CSMD1: variants seen among roughly 807,000 people sequenced by gnomAD.
The protein encoded by CSMD1 is CUB and Sushi multiple domains 1.
In CSMD1, 213 loss-of-function variants were observed where a neutral mutation model predicts 417.5. The ratio of observed to expected loss-of-function variants is 0.51; its 90% CI spans 0.46 to 0.57. CSMD1 has a LOEUF of 0.57. Ranked by LOEUF, CSMD1 falls within the 20% of genes least tolerant of loss-of-function variation. The pLI, the probability that CSMD1 is intolerant of heterozygous loss-of-function variation, is 0.00. For missense variants in CSMD1, 6,923 were observed against 4,529.7 expected, an observed-to-expected ratio of 1.53 and a Z score of -15.17; for synonymous variants, 2,862 against 1,736.8, an observed-to-expected ratio of 1.65 and a Z score of -16.11.
At chr8:4,232,737 T>C (rs1472604680) in intron 3 of CSMD1, among the ~76,000 whole-genome samples, 6 of 152,222 alleles carry the variant, frequency 3.9e-5, no homozygotes, top group Admixed American at 3.9e-4. Context: ...AGTCGTAAGA[T>C]TGCCTTAATT....
At chr8:4,646,531 C>G (rs941996877) in intron 1 of CSMD1, among the ~76,000 whole-genome samples, 3 of 152,290 alleles carry the variant, frequency 2.0e-5, no homozygotes, top group East Asian at 3.9e-4. Flanking sequence ...GCATTACTCA[C>G]TAAAAAAGGT....
chr8:4,326,842 G>T (rs530470863), intron 3 of CSMD1, among the ~76,000 whole-genome samples: 4 of 152,202 alleles, frequency 2.6e-5, no homozygotes, highest in African/African-American at 7.2e-5. Flanking sequence ...AAAAAAAAAG[G>T]TCACAGGTGA....
At chr8:4,424,598 G>T (rs566441938) in intron 2 of CSMD1, among the ~76,000 whole-genome samples, 24 of 152,162 alleles carry the variant, frequency 1.6e-4, no homozygotes, top group African/African-American at 5.8e-4. Flanking sequence ...TATACTGCTG[G>T]TGGAAATATA....
chr8:4,120,290 T>TA (rs148468981), intron 3 of CSMD1, among the ~76,000 whole-genome samples: 14,916 of 152,274 alleles, frequency 0.098, 1,022 homozygotes, highest in Non-Finnish European at 0.15. Flanking sequence ...CACCTTTTAT[T>TA]ATATATACTT....
At chr8:3,339,891 A>C (rs1287984458) in intron 23 of CSMD1, among the ~76,000 whole-genome samples, 1 of 152,234 alleles carries the variant, frequency 6.6e-6, no homozygotes, top group East Asian at 1.9e-4. Flanking sequence ...GTATGAACAT[A>C]GACAAGTCTG....
At chr8:4,227,934 C>G (rs1629108) in intron 3 of CSMD1, among the ~76,000 whole-genome samples, 140,835 of 148,728 alleles carry the variant, frequency 0.95, 66,631 homozygotes, top group Non-Finnish European at 0.96. Flanking sequence ...CACACCTAGA[C>G]ACACACCCTC....
At chr8:4,626,988 G>A (rs1378361215) in intron 2 of CSMD1, among the ~76,000 whole-genome samples, 1 of 152,112 alleles carries the variant, frequency 6.6e-6, no homozygotes, top group Non-Finnish European at 1.5e-5. Context: ...ATTTATTGTG[G>A]TAAAGCAAGT....
rs796134240 is a variant in CSMD1 at position 4,041,019 on chromosome 8, T to G, written c.416-8920A>C. Among the ~76,000 whole-genome samples the G allele has an allele frequency of 3.0e-3, 385 of 128,732 alleles. 1 individual carries two copies. The highest frequency in any genetic ancestry group is 0.014 in the East Asian group (60 of 4,352). The allele number at this position is 128,732 out of a possible 152,430, so 84.5% of individuals were successfully genotyped here. A position where few individuals can be genotyped will look rare whatever the true frequency, so the allele number is the denominator to read the frequency against. On this transcript the variant is annotated intron_variant, in intron 3 of 69. Transcript: ENST00000635120. ...TCTTTTCTTTCTTTTTTTTTTTCCT[T>G]TTTTTTTTTTTTTTTGAGACGGAGT... is the stretch of plus-strand genomic sequence containing the variant.
At chr8:4,519,941 G>GTGTA (rs1217429436) in intron 2 of CSMD1, among the ~76,000 whole-genome samples, 1 of 150,324 alleles carries the variant, frequency 6.7e-6, no homozygotes, top group Non-Finnish European at 1.5e-5. Flanking sequence ...GTGTGCGTGT[G>GTGTA]TGTGTGTGTG....
chr8:4,823,571 G>C (rs531108376), intron 1 of CSMD1, among the ~76,000 whole-genome samples: 146 of 152,128 alleles, frequency 9.6e-4, no homozygotes, highest in African/African-American at 3.3e-3. Flanking sequence ...TATGAGCCCA[G>C]TACACACAGC....
At chr8:4,435,697 G>A (rs1459051798) in intron 2 of CSMD1, among the ~76,000 whole-genome samples, 1 of 152,172 alleles carries the variant, frequency 6.6e-6, no homozygotes, top group Non-Finnish European at 1.5e-5. Flanking sequence ...ACAAGTGGAG[G>A]TGCCTCTGTG....
At chr8:4,303,447 TTTTTTTTTTG>T (rs1798088858) in intron 3 of CSMD1, among the ~76,000 whole-genome samples, 2 of 22,634 alleles carry the variant, frequency 8.8e-5, no homozygotes, top group African/African-American at 1.7e-4. Flanking sequence ...TTTTTTTTTT[TTTTTTTTTTG>T]AGTTCTCTGT....
intron 7 of CSMD1, among the ~76,000 whole-genome samples, chr8:3,651,433 C>G (rs1005978236): frequency 6.6e-6 from 1 of 152,066 alleles, no homozygotes; most frequent in African/African-American, 2.4e-5. Flanking sequence ...TTGCTGAGCA[C>G]GTAATGCCTC....
chr8:3,028,722 T>C (rs1284027412), intron 51 of CSMD1, among the ~76,000 whole-genome samples: 1 of 152,266 alleles, frequency 6.6e-6, no homozygotes, highest in Non-Finnish European at 1.5e-5. Flanking sequence ...TTATAAATTA[T>C]ACACTATTCT....
At chr8:3,337,018 C>A (rs562721923) in intron 23 of CSMD1, among the ~76,000 whole-genome samples, 2 of 152,226 alleles carry the variant, frequency 1.3e-5, no homozygotes, top group African/African-American at 4.8e-5. Flanking sequence ...AGGGTGTGTC[C>A]TGTGAACTGT....
chr8:4,150,815 A>G (rs1796530791), intron 3 of CSMD1, among the ~76,000 whole-genome samples: 2 of 152,142 alleles, frequency 1.3e-5, no homozygotes, highest in Non-Finnish European at 1.5e-5. Flanking sequence ...AGGTGTTGGG[A>G]GAAGACAGGG....
In CSMD1 at chr8:3,586,191, A is replaced by G; in HGVS notation, c.1167T>C (p.Cys389=). The change falls in exon 9 of 70, where the codon TGT becomes TGC. Residue 389 remains cysteine (C), a synonymous_variant. Coordinates refer to ENST00000635120, the MANE Select transcript of CSMD1 (RefSeq NM_033225.6). ...YVLQGSKSIT[C]QRVTETLAAW... ...CAGCGAGCGTCTCTGTAACTCTCTGACAGGTGATGCTTTTAGATCCCTGGA... is the reference window on the plus strand; with the variant it reads ...CAGCGAGCGTCTCTGTAACTCTCTGGCAGGTGATGCTTTTAGATCCCTGGA... 6.2e-7 allele frequency: 1 copy of G among 1,612,860 alleles called. No homozygotes were observed. The highest frequency in any genetic ancestry group is 2.2e-5 in the East Asian group (1 of 44,806).
At chr8:4,967,657 T>G (rs1331569197) in intron 1 of CSMD1, among the ~76,000 whole-genome samples, 1 of 152,176 alleles carries the variant, frequency 6.6e-6, no homozygotes, top group Non-Finnish European at 1.5e-5. Context: ...ATTCTCTGGT[T>G]CTAATGAGCA....
chr8:4,723,543 G>T (rs1437825947), intron 1 of CSMD1, among the ~76,000 whole-genome samples: 2 of 152,044 alleles, frequency 1.3e-5, no homozygotes, highest in Non-Finnish European at 2.9e-5. Context: ...ATAATAGGAA[G>T]AAATTTATTT....
Sources: gnomAD v4.1 joint callset for allele counts (sites outside exome capture counted in the v4.1 genomes callset) on GRCh38, gnomAD v4.1.1 for gene constraint, MANE v1.5 for transcripts, NCBI Gene and HGNC (gene_info 2026-07-23, HGNC 2026-07-21) for gene names.